MIAT: variants seen among roughly 807,000 people sequenced by gnomAD.
MIAT encodes the protein myocardial infarction associated transcript, also known as MI related novel mRNA.
chr22:26,664,894 T>C (rs1163468203), intron 3 of MIAT, among the ~76,000 whole-genome samples: 1 of 152,188 alleles, frequency 6.6e-6, no homozygotes, highest in Non-Finnish European at 1.5e-5. Context: ...GTGGTGAAAA[T>C]AATTTTTGGA....
At chr22:26,656,327 CT>C (rs201892323) in intron 2 of MIAT, among the ~76,000 whole-genome samples, 6,882 of 134,674 alleles carry the variant, frequency 0.051, 262 homozygotes, top group Admixed American at 0.15. Context: ...TTTTCTTTTT[CT>C]TTTTTTTTTT....
At chr22:26,669,162 C>G in exon 6 of MIAT, 1 of 398,738 alleles carries the variant, frequency 2.5e-6, no homozygotes, top group Non-Finnish European at 4.4e-6. Context: ...GGAGACAGTC[C>G]CAGCGTTTGC....
At chr22:26,647,845 C>T (rs929378469) in intron 2 of MIAT, among the ~76,000 whole-genome samples, 4 of 151,074 alleles carry the variant, frequency 2.6e-5, no homozygotes, top group Admixed American at 2.6e-4. Context: ...AATGACTTGG[C>T]GGAATGTTCC....
chr22:26,672,278 G>T, downstream of MIAT: 1 of 399,078 alleles, frequency 2.5e-6, no homozygotes, highest in South Asian at 1.3e-4. Context: ...CCCTCCTTTT[G>T]GCAAGCAGAT....
At chr22:26,670,961 G>GTT (rs568998572), downstream of MIAT, 19 of 375,714 alleles carry the variant, frequency 5.1e-5, no homozygotes, top group African/African-American at 3.6e-4. Context: ...AGCTTGATGC[G>GTT]TTTTTTTTTT....
chr22:26,665,667 T>C, exon 4 of MIAT: 1 of 398,668 alleles, frequency 2.5e-6, no homozygotes. Flanking sequence ...CCTGCCCTCT[T>C]CTGGTCTGTG....
At chr22:26,653,923 A>G (rs1930379995) in intron 2 of MIAT, among the ~76,000 whole-genome samples, 1 of 152,164 alleles carries the variant, frequency 6.6e-6, no homozygotes, top group Admixed American at 6.5e-5. Flanking sequence ...TATTTTTAGT[A>G]GAGACAGAGT....
At chr22:26,648,882 A>G (rs151165226) in intron 2 of MIAT, among the ~76,000 whole-genome samples, 5 of 150,830 alleles carry the variant, frequency 3.3e-5, no homozygotes, top group African/African-American at 1.2e-4. Context: ...AATGGCCTTG[A>G]GAGAGAAAGA....
At chr22:26,668,700 C>T (rs1930942033) in exon 6 of MIAT, 1 of 398,996 alleles carries the variant, frequency 2.5e-6, no homozygotes, top group African/African-American at 2.1e-5. Context: ...TGGCTGGAGT[C>T]CTTTGTCTCC....
chr22:26,657,344 T>C, intron 2 of MIAT: 3 of 391,294 alleles, frequency 7.7e-6, no homozygotes, highest in Non-Finnish European at 4.5e-6. Flanking sequence ...TGGCCAGGAC[T>C]CTGGGCGCGG....
At chr22:26,675,842 A>G (rs1931242151) in exon 5 of MIAT, 1 of 398,524 alleles carries the variant, frequency 2.5e-6, no homozygotes, top group African/African-American at 2.1e-5. Flanking sequence ...GGTCCCAGAG[A>G]GGGAAAAATA....
intron 2 of MIAT, among the ~76,000 whole-genome samples, chr22:26,654,974 A>C (rs1186277867): frequency 1.3e-5 from 2 of 152,166 alleles, no homozygotes. Flanking sequence ...GGCCTCCCAA[A>C]GTGCTGGGAT....
intron 2 of MIAT, among the ~76,000 whole-genome samples, chr22:26,660,241 G>A (rs1930615859): frequency 6.6e-6 from 1 of 151,524 alleles, no homozygotes; most frequent in Admixed American, 6.6e-5. Context: ...GGAAGCTGAG[G>A]TGGGTGGATC....
intron 2 of MIAT, among the ~76,000 whole-genome samples, chr22:26,661,928 A>ATC (rs1569220489): frequency 3.2e-3 from 54 of 16,678 alleles, no homozygotes; most frequent in Non-Finnish European, 4.1e-3. Flanking sequence ...ATATATATAT[A>ATC]TATATATATA....
At chr22:26,668,758 GGCTTTTCCAT>G (rs992143259) in exon 6 of MIAT, 2 of 399,296 alleles carry the variant, frequency 5.0e-6, no homozygotes, top group Non-Finnish European at 8.8e-6. Flanking sequence ...TCCTTGGTGG[GGCTTTTCCAT>G]GCTTTTCCTC....
chr22:26,658,347 A>G (rs1157520637), intron 2 of MIAT: 1 of 152,256 alleles, frequency 6.6e-6, no homozygotes, highest in Non-Finnish European at 1.5e-5. Context: ...GTGGTAAGAA[A>G]CAACCCCATT....
At chr22:26,672,277 T>G (rs1355919260), downstream of MIAT, 10 of 398,996 alleles carry the variant, frequency 2.5e-5, no homozygotes, top group East Asian at 3.6e-4. Context: ...CCCCTCCTTT[T>G]GGCAAGCAGA....
rs62224871 is a variant in MIAT, at chr22:26,647,529, G to T, written n.646+218G>T. 4.5e-3 allele frequency among the ~76,000 whole-genome samples: 688 copies of T among 152,238 alleles called. 4 individuals are homozygous for T. Among genetic ancestry groups the T allele is most frequent in the Non-Finnish European group, 7.7e-3 (524 of 68,006 alleles). ...TCCAGGGACCTAAAAGTCAGGGAAG[G>T]TTCCCTGAAGACCATGAGGCTGGGC... On this transcript the variant is annotated intron_variant and non_coding_transcript_variant, in intron 2 of 5. Coordinates refer to ENST00000643270, the Ensembl canonical transcript of MIAT.
At chr22:26,672,918 T>C (rs1254890078), downstream of MIAT, 1 of 398,458 alleles carries the variant, frequency 2.5e-6, no homozygotes, top group African/African-American at 2.1e-5. Flanking sequence ...GAGGACTCTT[T>C]CCCACACAGG....
Sources: gnomAD v4.1 joint callset for allele counts (sites outside exome capture counted in the v4.1 genomes callset) on GRCh38, gnomAD v4.1.1 for gene constraint, MANE v1.5 for transcripts, NCBI Gene and HGNC (gene_info 2026-07-23, HGNC 2026-07-21) for gene names.